The following PEBP4 variants were observed in gnomAD, a reference collection of about 807,000 sequenced individuals.
PEBP4 encodes phosphatidylethanolamine binding protein 4.
In PEBP4, 22 loss-of-function variants were observed where a neutral mutation model predicts 23.9. The observed-to-expected ratio is 0.92, with a 90% CI of 0.66 to 1.31. The LOEUF (loss-of-function observed/expected upper bound fraction) is 1.31. Among genes scored for constraint, PEBP4 ranks in the 40% most tolerant of loss-of-function variants. The pLI is 0.00. For missense variants in PEBP4, 324 were observed against 281.7 expected (o/e 1.15, Z -1.07); for synonymous variants, 112 against 99.3 (o/e 1.13, Z -0.76).
intron 2 of PEBP4, among the ~76,000 whole-genome samples, chr8:22,923,292 C>T (rs190808035): frequency 4.0e-4 from 61 of 152,176 alleles, no homozygotes; most frequent in African/African-American, 1.3e-3. Flanking sequence ...AAGGGCTGGG[C>T]GTGGTGGCTC....
chr8:22,873,700 G>C (rs1281636817), intron 3 of PEBP4, among the ~76,000 whole-genome samples: 2 of 152,198 alleles, frequency 1.3e-5, no homozygotes, highest in Non-Finnish European at 2.9e-5. Flanking sequence ...ACTATACTCA[G>C]TGTAACATCA....
At chr8:22,931,661 G>A (rs771321994), upstream of PEBP4, among the ~76,000 whole-genome samples, 75 of 152,078 alleles carry the variant, frequency 4.9e-4, no homozygotes, top group Non-Finnish European at 8.5e-4. Flanking sequence ...TCAGCTCACT[G>A]CTGCCTCCGC....
intron 3 of PEBP4, among the ~76,000 whole-genome samples, chr8:22,880,114 G>A (rs796474146): frequency 1.3e-5 from 2 of 152,330 alleles, no homozygotes; most frequent in African/African-American, 4.8e-5. Flanking sequence ...GGAGAGAGCC[G>A]CCTGGGGCTC....
chr8:22,934,699 G>GA (rs1809510202), intron 1 of PEBP4, among the ~76,000 whole-genome samples: 1 of 152,122 alleles, frequency 6.6e-6, no homozygotes, highest in African/African-American at 2.4e-5. Flanking sequence ...AAGCAAGCAA[G>GA]AAGAGCTAAA....
At chr8:22,910,302 T>C (rs869688) in intron 3 of PEBP4, among the ~76,000 whole-genome samples, 127,212 of 152,008 alleles carry the variant, frequency 0.84, 55,296 homozygotes, top group East Asian at 0.97. Context: ...GCTTACCCCG[T>C]TGTTAGCAAG....
rs11373695 is a variant in PEBP4 at position 22,779,954 on chromosome 8, C to CTT, written c.357+37681_357+37682dup. 1.6e-3 allele frequency among the ~76,000 whole-genome samples: 225 copies of CTT among 143,296 alleles called. 1 individual carries two copies. Among genetic ancestry groups the CTT allele is most frequent in the African/African-American group, 3.3e-3 (127 of 38,910 alleles). 94.0% of individuals were successfully genotyped at this position (143,296 alleles called of 152,430 possible). A position where few individuals can be genotyped will look rare whatever the true frequency, so the allele number is the denominator to read the frequency against. The stretch of plus-strand genomic sequence containing the variant: ...CCCAGGCATCTTGTTTTTTTAAAAT[C>CTT]TTTTTTTTTTTTTTGAGACAGGGTC... On this transcript the variant is annotated intron_variant, in intron 4 of 6. Transcript: ENST00000256404.
At chr8:22,794,326 C>T (rs1274688169) in intron 4 of PEBP4, among the ~76,000 whole-genome samples, 1 of 151,382 alleles carries the variant, frequency 6.6e-6, no homozygotes, top group Non-Finnish European at 1.5e-5. Flanking sequence ...GTGTCTTGCT[C>T]TGCTGCCCAA....
intron 4 of PEBP4, chr8:22,747,601 CA>C (rs1216146718): frequency 2.2e-5 from 2 of 90,998 alleles, no homozygotes; most frequent in Non-Finnish European, 4.2e-5. Flanking sequence ...TGTGCACGCT[CA>C]GGGGGGTGGG....
At chr8:22,925,235 A>G (rs1809300722) in intron 2 of PEBP4, 1 of 985,418 alleles carries the variant, frequency 1.0e-6, no homozygotes. Context: ...CTGGCATGCA[A>G]CCTTAAGGTC....
At position 22,914,013 on chromosome 8, in the gene PEBP4, A is replaced by T. The variant is rs1450274248; in HGVS notation, c.258+6171T>A. ...TTTTTTTTTTTTTTTTTTGAGACAG[A>T]GTCTTGCTCTGTTGCCCAGGCTGGA... On this transcript the variant is annotated intron_variant, in intron 3 of 6. Coordinates refer to ENST00000256404, the MANE Select transcript of PEBP4 (RefSeq NM_144962.3). 6.1e-5 allele frequency among the ~76,000 whole-genome samples: 8 copies of T among 132,004 alleles called. No individual in the cohort carries two copies. The Admixed American group carries it at 6.2e-4, about 10-fold the overall frequency. 86.6% of individuals were successfully genotyped at this position (132,004 alleles called of 152,430 possible).
chr8:22,747,071 C>T (rs1176203880), intron 4 of PEBP4, among the ~76,000 whole-genome samples: 2 of 152,178 alleles, frequency 1.3e-5, no homozygotes, highest in Non-Finnish European at 2.9e-5. Context: ...CTAGGTGATC[C>T]TCCTGCCCTG....
At chr8:22,928,830 A>G (rs901254950), upstream of PEBP4, among the ~76,000 whole-genome samples, 3 of 152,184 alleles carry the variant, frequency 2.0e-5, no homozygotes, top group African/African-American at 7.2e-5. Flanking sequence ...GTGCCTTGCT[A>G]AGGAATATGA....
intron 4 of PEBP4, among the ~76,000 whole-genome samples, chr8:22,806,124 G>T (rs921572954): frequency 6.6e-6 from 1 of 152,180 alleles, no homozygotes; most frequent in African/African-American, 2.4e-5. Flanking sequence ...TGACATGCCA[G>T]ATCTTCCCCC....
Position 22,787,974 on chromosome 8 carries a change from C to T in PEBP4, c.357+29663G>A, listed in dbSNP as rs80192652. ...ACGCGTTGTGGATGGGCCTACAGAG[C>T]GTGCAGGGGGAGGCGTGCAACGGGC... is the stretch of plus-strand genomic sequence containing the variant. On this transcript the variant is annotated intron_variant, in intron 4 of 6. Transcript: ENST00000256404. 6.7e-3 allele frequency among the ~76,000 whole-genome samples: 1,013 copies of T among 152,174 alleles called. 39 individuals carry two copies. The highest frequency in any genetic ancestry group is 0.066 in the East Asian group (339 of 5,158).
chr8:22,878,366 C>T lies in PEBP4; in HGVS notation c.258+41818G>A, dbSNP rs531481397. Among the ~76,000 whole-genome samples the T allele has an allele frequency of 3.9e-5, 6 of 152,084 alleles. No individual in the cohort carries two copies. The South Asian group carries it at 6.3e-4, about 16-fold the overall frequency. On this transcript the variant is annotated intron_variant, in intron 3 of 6. Transcript: ENST00000256404. ...GCAGGTCAGACCAGCATGGGCTCTG[C>T]GGGAGAGGGTGGAGGGTCAGTGCAT... is the stretch of plus-strand genomic sequence containing the variant.
At chr8:22,893,550 G>C (rs1808535906) in intron 3 of PEBP4, among the ~76,000 whole-genome samples, 1 of 152,166 alleles carries the variant, frequency 6.6e-6, no homozygotes, top group African/African-American at 2.4e-5. Flanking sequence ...TATATTCCAT[G>C]TGTTCAAGAA....
rs767029505 is a variant in PEBP4 at position 22,719,433 on chromosome 8, C to T, written c.517+5410G>A. 2.6e-5 allele frequency among the ~76,000 whole-genome samples: 4 copies of T among 152,132 alleles called. No individual in the cohort carries two copies. In the East Asian group the frequency reaches 7.7e-4, roughly 29 times the overall value. On this transcript the variant is annotated intron_variant, in intron 6 of 6. Transcript: ENST00000256404. ...GACCGAGGTGTGGTGTGGCACAGAC[C>T]GCAGCTCCCCAGGATTCTGAGGCTC...
In PEBP4 at chr8:22,820,344, G is replaced by A. The variant is rs577812255; in HGVS notation, c.259-2609C>T. Reference sequence around the variant, plus strand: ...CCTTTTTAACTGTTCAAGTACAGGTGTGGAATACGTGGTAGTTGGGTTTAA... The same window carrying A: ...CCTTTTTAACTGTTCAAGTACAGGTATGGAATACGTGGTAGTTGGGTTTAA... On this transcript the variant is annotated intron_variant, in intron 3 of 6. Transcript: ENST00000256404. Among the ~76,000 whole-genome samples, 9 of 152,314 alleles carry A rather than the reference G, an allele frequency of 5.9e-5. No individual in the cohort carries two copies. The South Asian group carries it at 1.5e-3, about 25-fold the overall frequency.
intron 4 of PEBP4, among the ~76,000 whole-genome samples, chr8:22,749,802 A>ATTTTTTTTTTTTTTTTTTTT (rs754912133): frequency 1.9e-4 from 8 of 41,572 alleles, no homozygotes; most frequent in Non-Finnish European, 4.5e-4. Flanking sequence ...TCAGTTTGTC[A>ATTTTTTTTTTTTTTTTTTTT]TTCTTTTTTT....
Sources: allele counts gnomAD v4.1 joint callset (sites outside exome capture counted in the v4.1 genomes callset), GRCh38; gene constraint gnomAD v4.1.1; transcripts MANE v1.5; gene names NCBI Gene and HGNC (gene_info 2026-07-23, HGNC 2026-07-21).